HS3ST4: variants seen among roughly 807,000 people sequenced by gnomAD.
The protein encoded by HS3ST4 is heparan sulfate-glucosamine 3-sulfotransferase 4.
A neutral mutation model predicts 29.2 loss-of-function variants in HS3ST4; 17 were observed. That is an observed-to-expected ratio of 0.58 (90% CI 0.40 to 0.87). The LOEUF (loss-of-function observed/expected upper bound fraction) is 0.87. Among genes scored for constraint, HS3ST4 ranks in the 40% least tolerant of loss-of-function variants. The probability of loss-of-function intolerance (pLI) is 0.00; values close to 1 mark genes in which losing one functional copy is unlikely to be tolerated. For missense variants in HS3ST4, 627 were observed against 634.5 expected (o/e 0.99, Z 0.13); for synonymous variants, 314 against 285.7 (o/e 1.10, Z -1.00).
chr16:25,838,084 A>T (rs1198671514), intron 1 of HS3ST4, among the ~76,000 whole-genome samples: 1 of 152,132 alleles, frequency 6.6e-6, no homozygotes, highest in Non-Finnish European at 1.5e-5. Flanking sequence ...CTGGGTTAGA[A>T]CCCCAACTCT....
chr16:25,814,932 C>T (rs1017107395), intron 1 of HS3ST4, among the ~76,000 whole-genome samples: 1 of 152,154 alleles, frequency 6.6e-6, no homozygotes, highest in Non-Finnish European at 1.5e-5. Context: ...GGCCAGCCTT[C>T]GCACATCCAT....
intron 1 of HS3ST4, among the ~76,000 whole-genome samples, chr16:25,813,554 G>A (rs1044908613): frequency 7.9e-5 from 12 of 152,154 alleles, no homozygotes; most frequent in African/African-American, 2.2e-4. Flanking sequence ...CCGAGATCAC[G>A]CCATTGCAAT....
At chr16:25,943,545 T>C (rs1472473463) in intron 1 of HS3ST4, among the ~76,000 whole-genome samples, 1 of 152,204 alleles carries the variant, frequency 6.6e-6, no homozygotes, top group African/African-American at 2.4e-5. Flanking sequence ...TAAATGTGGG[T>C]ATAGTACTTA....
intron 1 of HS3ST4, among the ~76,000 whole-genome samples, chr16:25,879,763 A>T (rs1967874496): frequency 6.6e-6 from 1 of 152,172 alleles, no homozygotes; most frequent in Non-Finnish European, 1.5e-5. Flanking sequence ...ATAAACACAT[A>T]CCCAAGACTG....
At chr16:25,831,418 C>T (rs1283530923) in intron 1 of HS3ST4, among the ~76,000 whole-genome samples, 1 of 149,004 alleles carries the variant, frequency 6.7e-6, no homozygotes, top group African/African-American at 2.5e-5. Context: ...CACACACACA[C>T]ACACACACAC....
chr16:25,980,106 A>G (rs1228663176), intron 1 of HS3ST4, among the ~76,000 whole-genome samples: 2 of 152,082 alleles, frequency 1.3e-5, no homozygotes, highest in Admixed American at 6.5e-5. Flanking sequence ...CCATGTTTCT[A>G]AAATTTGTGA....
intron 1 of HS3ST4, among the ~76,000 whole-genome samples, chr16:26,054,304 G>GAGAGAGAGAGAGA (rs1898381146): frequency 1.4e-5 from 2 of 148,028 alleles, no homozygotes; most frequent in Admixed American, 6.7e-5. Context: ...GAGAGAAGGA[G>GAGAGAGAGAGAGA]GAGGAGGAAG....
At position 25,844,272 on chromosome 16, in the gene HS3ST4, G is replaced by A. The variant is rs556024953; in HGVS notation, c.734+151121G>A. Among the ~76,000 whole-genome samples the A allele has an allele frequency of 3.9e-5, 6 of 152,144 alleles. No individual in the cohort carries two copies. The South Asian group carries it at 8.3e-4, about 21-fold the overall frequency. On this transcript the variant is annotated intron_variant, in intron 1 of 1. Coordinates refer to ENST00000331351, the MANE Select transcript of HS3ST4 (RefSeq NM_006040.3). ...ATGCTTTTGCAAAGACACATTTATC[G>A]TTTTGTTGCTTATTAAACAAAATTG... is the stretch of plus-strand genomic sequence containing the variant.
intron 1 of HS3ST4, among the ~76,000 whole-genome samples, chr16:25,761,958 C>A (rs1966790952): frequency 1.3e-5 from 2 of 151,932 alleles, no homozygotes; most frequent in South Asian, 4.2e-4. Flanking sequence ...TGTATGTGTT[C>A]CCCCGAAATT....
intron 1 of HS3ST4, among the ~76,000 whole-genome samples, chr16:26,014,669 C>T (rs551171581): frequency 3.9e-5 from 6 of 152,308 alleles, no homozygotes; most frequent in South Asian, 4.1e-4. Context: ...GTAAAGAACA[C>T]GATCTTGATC....
At chr16:26,099,533 G>C (rs73523969) in intron 1 of HS3ST4, among the ~76,000 whole-genome samples, 13,672 of 152,202 alleles carry the variant, frequency 0.09, 826 homozygotes, top group African/African-American at 0.16. Context: ...CTTGGATAAA[G>C]TAAACATTGC....
intron 1 of HS3ST4, among the ~76,000 whole-genome samples, chr16:26,066,437 T>C (rs1898543456): frequency 1.3e-5 from 2 of 152,234 alleles, no homozygotes; most frequent in Non-Finnish European, 2.9e-5. Flanking sequence ...TACTATCTGA[T>C]ATTTGAGGAA....
chr16:25,865,195 A>G (rs1967682302), intron 1 of HS3ST4, among the ~76,000 whole-genome samples: 1 of 152,106 alleles, frequency 6.6e-6, no homozygotes, highest in African/African-American at 2.4e-5. Context: ...TGATAGTTGT[A>G]TTTTTTATTT....
intron 1 of HS3ST4, among the ~76,000 whole-genome samples, chr16:26,017,315 T>C (rs942140728): frequency 3.9e-5 from 6 of 152,222 alleles, no homozygotes; most frequent in Non-Finnish European, 1.5e-5. Context: ...GGTAAAACTG[T>C]CCCTTGTGAT....
chr16:26,032,498 A>C, intron 1 of HS3ST4: 1 of 1,251,024 alleles, frequency 8.0e-7, no homozygotes, highest in Non-Finnish European at 1.2e-6. Flanking sequence ...TCCAAACTGT[A>C]CAGTCACCAG....
chr16:25,864,022 C>T (rs539012564), intron 1 of HS3ST4, among the ~76,000 whole-genome samples: 5 of 152,288 alleles, frequency 3.3e-5, no homozygotes, highest in South Asian at 2.1e-4. Flanking sequence ...GCCGCCTCTT[C>T]GCCTCTTCGC....
At chr16:25,764,681 G>A (rs371289134) in intron 1 of HS3ST4, among the ~76,000 whole-genome samples, 32 of 152,332 alleles carry the variant, frequency 2.1e-4, no homozygotes, top group African/African-American at 7.2e-4. Context: ...ACCAGAGCTT[G>A]GGATCCAAAT....
In HS3ST4 at chr16:25,873,278, TCATC is replaced by T. The variant is rs879378801; in HGVS notation, c.734+180169_734+180172del. 6.0e-3 allele frequency among the ~76,000 whole-genome samples: 659 copies of T among 110,478 alleles called. 5 individuals carry two copies. The highest frequency in any genetic ancestry group is 0.019 in the African/African-American group (553 of 29,720). The allele number at this position is 110,478 out of a possible 152,430, so 72.5% of individuals were successfully genotyped here. ...GCCATCCATCCATCCATTTGTCCATTCATCCATCCATCCATCCATCCATCCATCC... is the reference window on the plus strand; with the variant it reads ...GCCATCCATCCATCCATTTGTCCATTCATCCATCCATCCATCCATCCATCC... On this transcript the variant is annotated intron_variant, in intron 1 of 1. Transcript: ENST00000331351.
Position 26,044,858 on chromosome 16 carries a change from G to A in HS3ST4, c.735-90754G>A, listed in dbSNP as rs149068700. Among the ~76,000 whole-genome samples the A allele has an allele frequency of 6.8e-3, 1,031 of 152,178 alleles. 6 individuals carry two copies. Among genetic ancestry groups the A allele is most frequent in the Middle Eastern group, 0.014 (4 of 294 alleles). Reference sequence around the variant, plus strand: ...GAAGGATACAACCTGATGGAAGCTGGGACCGAGAGCTTTATTATGTCCTGT... The same window carrying A: ...GAAGGATACAACCTGATGGAAGCTGAGACCGAGAGCTTTATTATGTCCTGT... On this transcript the variant is annotated intron_variant, in intron 1 of 1. Transcript: ENST00000331351.
Sources: gnomAD v4.1 joint callset for allele counts (sites outside exome capture counted in the v4.1 genomes callset) on GRCh38, gnomAD v4.1.1 for gene constraint, MANE v1.5 for transcripts, NCBI Gene and HGNC (gene_info 2026-07-23, HGNC 2026-07-21) for gene names.